Variants in CR1 observed in about 807,000 individuals in gnomAD.
The protein encoded by CR1 is complement receptor type 1.
Under a neutral mutation model 187.3 loss-of-function variants are expected in CR1, and 116 were observed. The observed-to-expected ratio is 0.62, with a 90% confidence interval of 0.53 to 0.72. The LOEUF is 0.72. Among genes scored for constraint, CR1 ranks in the 30% least tolerant of loss-of-function variants. The probability of loss-of-function intolerance (pLI) is 0.00; values close to 1 mark genes in which losing one functional copy is unlikely to be tolerated. For missense variants in CR1, 1,731 were observed against 2,110.7 expected (o/e 0.82, Z 3.52); for synonymous variants, 576 against 747.1 (o/e 0.77, Z 3.73).
chr1:207,595,307 T>C (rs1433395806), intron 35 of CR1, among the ~76,000 whole-genome samples: 1 of 151,664 alleles, frequency 6.6e-6, no homozygotes, highest in African/African-American at 2.4e-5. Context: ...GAAAGCAGAA[T>C]GAATAGAAGC....
At chr1:207,520,527 C>T (rs2102301999) in intron 4 of CR1, among the ~76,000 whole-genome samples, 1 of 152,316 alleles carries the variant, frequency 6.6e-6, no homozygotes. Flanking sequence ...CTCTGTCTGT[C>T]TCCTCGCGCT....
At chr1:207,628,238 C>T (rs998263884) in intron 45 of CR1, among the ~76,000 whole-genome samples, 1 of 152,162 alleles carries the variant, frequency 6.6e-6, no homozygotes, top group Non-Finnish European at 1.5e-5. Context: ...ACTATTACTA[C>T]TATCTCCTGC....
In CR1 at chr1:207,618,203, G is replaced by C. The variant is rs1322460871; in HGVS notation, c.7022G>C (p.Cys2341Ser). Reference protein sequence around the residue: ...YLLVGKGFIFCTDQGIWSQLD... With the variant: ...YLLVGKGFIFSTDQGIWSQLD... The stretch of plus-strand genomic sequence containing the variant: ...TTAGTGGGAAAGGGCTTCATTTTCT[G>C]TACAGACCAGGGAATCTGGAGCCAA... Residue 2341 changes from cysteine to serine, a missense_variant, in exon 42 of 47, where the codon TGT (cysteine) becomes TCT (serine). By Grantham distance (112) the Cys-to-Ser change is moderately radical. Transcript: ENST00000367049. The C allele has an allele frequency of 6.2e-7, 1 of 1,613,812 alleles. No homozygotes were observed. Among genetic ancestry groups the C allele is most frequent in the Admixed American group, 1.7e-5 (1 of 60,020 alleles).
intron 45 of CR1, among the ~76,000 whole-genome samples, chr1:207,626,774 A>G (rs749496441): frequency 2.0e-5 from 3 of 152,240 alleles, no homozygotes; most frequent in Non-Finnish European, 4.4e-5. Context: ...GCGATGGCTC[A>G]GGCCTGTAAT....
chr1:207,623,424 A>T (rs1156996265), intron 45 of CR1, among the ~76,000 whole-genome samples: 1 of 152,124 alleles, frequency 6.6e-6, no homozygotes, highest in Admixed American at 6.5e-5. Flanking sequence ...TCTACTAAAC[A>T]TACACAAAAT....
At chr1:207,582,128 G>T in intron 32 of CR1, 125 bp downstream of exon 32, 1 of 569,918 alleles carries the variant, frequency 1.8e-6, no homozygotes, top group Non-Finnish European at 3.0e-6. Context: ...ATTGTTCTTT[G>T]TTGGAATAGA....
At chr1:207,510,802 G>T (rs1159338113) in intron 3 of CR1, among the ~76,000 whole-genome samples, 20 of 110,660 alleles carry the variant, frequency 1.8e-4, no homozygotes, top group African/African-American at 4.2e-4. Context: ...TTCCTTCTTT[G>T]CTTTCTTTCT....
chr1:207,636,488 G>A (rs56161922), intron 46 of CR1, among the ~76,000 whole-genome samples: 9,544 of 152,168 alleles, frequency 0.063, 605 homozygotes, highest in East Asian at 0.35. Flanking sequence ...AACTGGAAAC[G>A]ATGGTCTAAG....
chr1:207,621,057 T>C (rs1268180354), intron 43 of CR1, among the ~76,000 whole-genome samples: 2 of 152,146 alleles, frequency 1.3e-5, no homozygotes, highest in Admixed American at 6.6e-5. Context: ...ATGGATCACC[T>C]GAGGTCAGGA....
At chr1:207,581,291 C>A (rs574683597) in intron 31 of CR1, among the ~76,000 whole-genome samples, 1 of 150,844 alleles carries the variant, frequency 6.6e-6, no homozygotes. Context: ...TATATGTATA[C>A]GTATACATAT....
intron 35 of CR1, among the ~76,000 whole-genome samples, chr1:207,601,460 G>A (rs1297201685): frequency 6.6e-6 from 1 of 152,096 alleles, no homozygotes; most frequent in Non-Finnish European, 1.5e-5. Flanking sequence ...GGGGGATATG[G>A]TAATTCTGTT....
At chr1:207,496,480 T>C in intron 1 of CR1, 92 bp downstream of exon 1, 1 of 1,317,318 alleles carries the variant, frequency 7.6e-7, no homozygotes, top group Non-Finnish European at 1.0e-6. Context: ...GCTGCGCTGC[T>C]CTGCGCGCCC....
intron 35 of CR1, among the ~76,000 whole-genome samples, chr1:207,597,659 AT>A (rs1390658451): frequency 6.6e-6 from 1 of 152,222 alleles, no homozygotes; most frequent in African/African-American, 2.4e-5. Flanking sequence ...GAAATGTAAA[AT>A]GGTGTAGCAC....
chr1:207,615,233 A>G (rs10429953), intron 40 of CR1, among the ~76,000 whole-genome samples: 30,047 of 152,124 alleles, frequency 0.2, 3,232 homozygotes, highest in South Asian at 0.44. Flanking sequence ...TAGAAAAAGC[A>G]ATGAATAGTG....
intron 4 of CR1, among the ~76,000 whole-genome samples, chr1:207,513,982 T>C (rs1447137156): frequency 1.3e-5 from 2 of 152,156 alleles, no homozygotes; most frequent in African/African-American, 4.8e-5. Context: ...ATAACCATTT[T>C]TGAAATAAGG....
At chr1:207,512,101 A>G (rs1473838700) in intron 4 of CR1, among the ~76,000 whole-genome samples, 1 of 152,230 alleles carries the variant, frequency 6.6e-6, no homozygotes, top group African/African-American at 2.4e-5. Context: ...GTGAACATAT[A>G]TTTTAACCTA....
Position 207,581,988 on chromosome 1 carries a change from G to A in CR1, c.5287G>A (p.Val1763Ile). 1.2e-6 allele frequency: 2 copies of A among 1,611,558 alleles called. No individual in the cohort carries two copies. The highest frequency in any genetic ancestry group is 1.1e-5 in the South Asian group (1 of 90,962). ...VGMRSLWNNSVPVCEHIFCPN... is the reference protein window; with the variant it reads ...VGMRSLWNNSIPVCEHIFCPN... ...AATGAGAAGCCTTTGGAATAACAGT[G>A]TTCCTGTGTGTGAACGTGAGTAGAT... The change falls in exon 32 of 47, where the codon GTT (valine) becomes ATT (isoleucine). Residue 1763 changes from valine (V) to isoleucine (I), a missense_variant. This residue lies in a region of CR1 where 1,312 missense variants were observed against 1,379.6 expected (regional missense o/e 0.95). Coordinates refer to ENST00000367049, the MANE Select transcript of CR1 (RefSeq NM_000651.6).
chr1:207,619,036 C>CAAAAAAAAAAAAAAA (rs71727231), intron 42 of CR1, among the ~76,000 whole-genome samples: 1 of 38,466 alleles, frequency 2.6e-5, no homozygotes, highest in African/African-American at 5.9e-5. Flanking sequence ...GACTCCGTCT[C>CAAAAAAAAAAAAAAA]AAAAAAAAAA....
Position 207,587,562 on chromosome 1 carries a change from A to G in CR1, c.5707A>G (p.Arg1903Gly). Residue 1903 changes from arginine (R) to glycine (G), a missense_variant, in exon 34 of 47, where the codon AGA (arginine) becomes GGA (glycine). By Grantham distance (125) the Arg-to-Gly change is moderately radical. Coordinates refer to ENST00000367049, the MANE Select transcript of CR1 (RefSeq NM_000651.6). ...CTGGTCAAGTGTTGAAGACAACTGT[A>G]GACGTGAGTAACCCCTCCCTGGGAA... Reference protein sequence around the residue: ...LVWSSVEDNCRRKSCGPPPEP... With the variant: ...LVWSSVEDNCGRKSCGPPPEP... The G allele has an allele frequency of 6.2e-7, 1 of 1,613,044 alleles. No individual in the cohort carries two copies. The highest frequency in any genetic ancestry group is 8.5e-7 in the Non-Finnish European group (1 of 1,179,364).
Sources: allele counts gnomAD v4.1 joint callset (sites outside exome capture counted in the v4.1 genomes callset), GRCh38; gene constraint gnomAD v4.1.1; regional missense constraint gnomAD v4.1.1; transcripts MANE v1.5; gene names NCBI Gene and HGNC (gene_info 2026-07-23, HGNC 2026-07-21).